Variants in BRI3 observed in about 807,000 individuals in gnomAD.
BRI3 encodes the protein membrane protein BRI3.
A neutral mutation model predicts 12.8 loss-of-function variants in BRI3; 6 were observed. The ratio of observed to expected loss-of-function variants is 0.47; its 90% confidence interval spans 0.26 to 0.93. The LOEUF is 0.93. Among genes scored for constraint, BRI3 ranks in the 40% least tolerant of loss-of-function variants. The probability of loss-of-function intolerance (pLI) is 0.15; values close to 1 mark genes in which losing one functional copy is unlikely to be tolerated. For synonymous variants in BRI3, 91 were observed against 76.1 expected, an observed-to-expected ratio of 1.20 and a Z score of -1.02; for missense variants, 134 against 171.1, an observed-to-expected ratio of 0.78 and a Z score of 1.21.
the BRI3 span, among the ~76,000 whole-genome samples, chr7:98,319,071 TGC>T: frequency 6.6e-6 from 1 of 152,246 alleles, no homozygotes; most frequent in South Asian, 2.1e-4. Context: ...TGTGGCCTCC[TGC>T]CGGGAGGGTG....
chr7:98,284,821 C>T (rs1282884542), intron 2 of BRI3, among the ~76,000 whole-genome samples: 1 of 152,206 alleles, frequency 6.6e-6, no homozygotes, highest in Non-Finnish European at 1.5e-5. Flanking sequence ...GGATATGTCC[C>T]TGCTCCTCCC....
At chr7:98,306,585 C>G (rs1049834062) in exon 1 of BRI3, 2 of 1,610,308 alleles carry the variant, frequency 1.2e-6, no homozygotes, top group African/African-American at 2.7e-5. Flanking sequence ...CCTGAACAAC[C>G]TGGTGAGAGC....
Position 98,307,539 on chromosome 7 carries a change from G to A in BRI3, n.169G>A, listed in dbSNP as rs554719147. On this transcript the variant is annotated non_coding_transcript_exon_variant, in exon 2 of 2. Transcript: ENST00000485422. ...GACATACAGAAAATAGCCTGGGATC[G>A]AATAACTTCAGTTAACTAAACTAGA... is the stretch of plus-strand genomic sequence containing the variant. 75 of 1,458,296 alleles carry A rather than the reference G, an allele frequency of 5.1e-5. No individual in the cohort carries two copies. In the South Asian group the frequency reaches 8.3e-4, roughly 16 times the overall value. 90.3% of individuals were successfully genotyped at this position (1,458,296 alleles called of 1,614,324 possible).
exon 2 of BRI3, chr7:98,307,660 C>T (rs1800709173): frequency 1.9e-6 from 3 of 1,612,050 alleles, no homozygotes; most frequent in African/African-American, 1.3e-5. Context: ...CGTCTGGTGC[C>T]CTGCGGGGAC....
downstream of BRI3, among the ~76,000 whole-genome samples, chr7:98,296,012 AGACACTCG>A (rs1312037326): frequency 6.6e-6 from 1 of 152,172 alleles, no homozygotes; most frequent in Non-Finnish European, 1.5e-5. Flanking sequence ...ATGGGCACCG[AGACACTCG>A]GGCAGCCCTG....
chr7:98,293,094 T>A, downstream of BRI3: 1 of 526,880 alleles, frequency 1.9e-6, no homozygotes, highest in Non-Finnish European at 2.5e-6. Context: ...TTACGTGATA[T>A]CTTCTTTAGA....
chr7:98,297,332 G>A (rs928876514), downstream of BRI3, among the ~76,000 whole-genome samples: 1 of 152,214 alleles, frequency 6.6e-6, no homozygotes, highest in African/African-American at 2.4e-5. Flanking sequence ...CGCCCAGGTT[G>A]GGGGACTAGT....
At chr7:98,290,864 G>A (rs1331947719) in intron 2 of BRI3, among the ~76,000 whole-genome samples, 1 of 152,226 alleles carries the variant, frequency 6.6e-6, no homozygotes, top group Non-Finnish European at 1.5e-5. Flanking sequence ...TTCTTTGAAT[G>A]TTACATGTAG....
chr7:98,289,258 A>T (rs1456157374), intron 2 of BRI3, among the ~76,000 whole-genome samples: 2 of 152,204 alleles, frequency 1.3e-5, no homozygotes, highest in Non-Finnish European at 2.9e-5. Context: ...GCACTTTGCA[A>T]CTTTTTCTTT....
At chr7:98,284,388 C>T (rs1022512368) in intron 2 of BRI3, among the ~76,000 whole-genome samples, 5 of 152,198 alleles carry the variant, frequency 3.3e-5, no homozygotes, top group African/African-American at 1.2e-4. Flanking sequence ...GGGATGGGCC[C>T]CTGTGCCCTG....
the BRI3 span, chr7:98,320,388 T>C: frequency 7.0e-6 from 7 of 1,000,330 alleles, no homozygotes; most frequent in Non-Finnish European, 1.1e-5. Flanking sequence ...CAGGCTGGAG[T>C]GCAAAGGCAC....
At chr7:98,306,652 A>C in exon 1 of BRI3, 1 of 1,293,452 alleles carries the variant, frequency 7.7e-7, no homozygotes, top group Non-Finnish European at 1.1e-6. Context: ...AAATGAAATT[A>C]AGGCTTTTAA....
downstream of BRI3, chr7:98,293,083 C>T (rs1416040498): frequency 1.7e-6 from 1 of 580,604 alleles, no homozygotes; most frequent in African/African-American, 2.0e-5. Flanking sequence ...AAGATGCAAA[C>T]TTACGTGATA....
At chr7:98,314,589 T>C (rs1386219436), downstream of BRI3, among the ~76,000 whole-genome samples, 4 of 152,014 alleles carry the variant, frequency 2.6e-5, no homozygotes, top group African/African-American at 9.7e-5. Flanking sequence ...GCTGTGTGTG[T>C]TGGAAGGAGG....
chr7:98,283,953 C>T (rs935366694), intron 2 of BRI3, among the ~76,000 whole-genome samples: 1 of 152,216 alleles, frequency 6.6e-6, no homozygotes, highest in African/African-American at 2.4e-5. Flanking sequence ...GGCACTGGCC[C>T]TGCCACTTCC....
At chr7:98,303,637 G>A (rs1162825415), upstream of BRI3, among the ~76,000 whole-genome samples, 2 of 152,206 alleles carry the variant, frequency 1.3e-5, no homozygotes, top group Non-Finnish European at 2.9e-5. Context: ...TCTGTGCGGT[G>A]GCGGGAATGG....
At chr7:98,316,164 C>T in the BRI3 span, among the ~76,000 whole-genome samples, 1 of 152,158 alleles carries the variant, frequency 6.6e-6, no homozygotes, top group Non-Finnish European at 1.5e-5. Flanking sequence ...TGCACAAGCT[C>T]TCCTTTGCCT....
chr7:98,318,774 C>G, the BRI3 span, among the ~76,000 whole-genome samples: 9 of 151,556 alleles, frequency 5.9e-5, no homozygotes, highest in African/African-American at 2.2e-4. Flanking sequence ...GAAACCCCGT[C>G]TCTACTAAAA....
chr7:98,307,705 G>A lies in BRI3; in HGVS notation n.335G>A, dbSNP rs759417905. 1.9e-6 allele frequency: 3 copies of A among 1,614,132 alleles called. No homozygotes were observed. The South Asian group carries it at 3.3e-5, about 18-fold the overall frequency. On this transcript the variant is annotated non_coding_transcript_exon_variant, in exon 2 of 2. Transcript: ENST00000485422. ...CAGACTTACGCCTTGGACACGTCGT[G>A]TTCTCCATAGAGCCAGCCATCCTTC...
Sources: allele counts gnomAD v4.1 joint callset (sites outside exome capture counted in the v4.1 genomes callset), GRCh38; gene constraint gnomAD v4.1.1; transcripts MANE v1.5; gene names NCBI Gene and HGNC (gene_info 2026-07-23, HGNC 2026-07-21).